ATP2B2: variants seen among roughly 807,000 people sequenced by gnomAD.
The protein encoded by ATP2B2 is plasma membrane calcium-transporting ATPase 2.
ATP2B2 carries 15 observed loss-of-function variants against 120.0 expected under a neutral mutation model. The observed-to-expected ratio is 0.12, with a 90% CI of 0.08 to 0.19. The LOEUF is 0.19. Ranked by LOEUF, ATP2B2 falls within the 10% of genes least tolerant of loss-of-function variation. The probability of loss-of-function intolerance (pLI) is 1.00; values close to 1 mark genes in which losing one functional copy is unlikely to be tolerated. For synonymous variants in ATP2B2, 694 were observed against 700.3 expected (o/e 0.99, Z 0.14); for missense variants, 1,045 against 1,719.8 (o/e 0.61, Z 6.94).
intron 5 of ATP2B2, among the ~76,000 whole-genome samples, chr3:10,394,220 T>A (rs938623326): frequency 2.0e-5 from 3 of 152,078 alleles, no homozygotes; most frequent in African/African-American, 7.2e-5. Flanking sequence ...TGGGGGCTAT[T>A]ATCTGCCTCC....
intron 2 of ATP2B2, among the ~76,000 whole-genome samples, chr3:10,565,813 G>C (rs566568620): frequency 4.4e-4 from 67 of 152,320 alleles, no homozygotes; most frequent in African/African-American, 1.6e-3. Flanking sequence ...ATGAACTCTG[G>C]AGTTAGAGTG....
chr3:10,351,366 C>T (rs1221870488), intron 14 of ATP2B2, among the ~76,000 whole-genome samples: 4 of 152,184 alleles, frequency 2.6e-5, no homozygotes, highest in Non-Finnish European at 2.9e-5. Context: ...GATTCTTACC[C>T]GAGGGCAGTG....
intron 1 of ATP2B2, among the ~76,000 whole-genome samples, chr3:10,625,556 C>T (rs2069674100): frequency 6.6e-6 from 1 of 152,220 alleles, no homozygotes; most frequent in Admixed American, 6.5e-5. Context: ...CGGATCATGG[C>T]TTCCTGACCC....
At chr3:10,465,902 G>A (rs1277700118) in intron 1 of ATP2B2, among the ~76,000 whole-genome samples, 5 of 152,192 alleles carry the variant, frequency 3.3e-5, no homozygotes, top group Non-Finnish European at 7.3e-5. Context: ...TAACCACCAG[G>A]TCCTTTACTG....
At chr3:10,357,056 A>G (rs957195683) in intron 14 of ATP2B2, among the ~76,000 whole-genome samples, 2 of 151,902 alleles carry the variant, frequency 1.3e-5, no homozygotes, top group Non-Finnish European at 2.9e-5. Context: ...TTATTCATTC[A>G]TTCCGCAAAC....
chr3:10,622,746 G>A (rs911531771), intron 1 of ATP2B2, among the ~76,000 whole-genome samples: 1 of 152,208 alleles, frequency 6.6e-6, no homozygotes, highest in African/African-American at 2.4e-5. Flanking sequence ...CCTTGCAGAG[G>A]CTTTAATCAG....
intron 2 of ATP2B2, among the ~76,000 whole-genome samples, chr3:10,590,848 G>A (rs2068627565): frequency 6.6e-6 from 1 of 152,148 alleles, no homozygotes; most frequent in African/African-American, 2.4e-5. Flanking sequence ...TCAAAGGCCA[G>A]CTGTTCATGT....
At chr3:10,493,342 G>A (rs570300473) in intron 1 of ATP2B2, among the ~76,000 whole-genome samples, 19 of 152,258 alleles carry the variant, frequency 1.2e-4, no homozygotes, top group Middle Eastern at 3.4e-3. Context: ...GAAATAAACC[G>A]AAGGGGAAAG....
intron 2 of ATP2B2, among the ~76,000 whole-genome samples, chr3:10,420,725 C>T (rs977608648): frequency 5.9e-5 from 9 of 152,184 alleles, no homozygotes; most frequent in East Asian, 3.8e-4. Flanking sequence ...CAGAGTTAAA[C>T]GAGGTCGCAT....
intron 2 of ATP2B2, among the ~76,000 whole-genome samples, chr3:10,611,616 C>T (rs1374344206): frequency 6.6e-6 from 1 of 152,104 alleles, no homozygotes. Context: ...TCACGTGTTC[C>T]ACTTCTTCTC....
At chr3:10,510,276 G>A (rs988526397), upstream of ATP2B2, among the ~76,000 whole-genome samples, 1 of 152,256 alleles carries the variant, frequency 6.6e-6, no homozygotes, top group Non-Finnish European at 1.5e-5. Context: ...GGCATTCTGT[G>A]CACACACCTC....
chr3:10,673,972 A>G (rs928087711), intron 1 of ATP2B2, among the ~76,000 whole-genome samples: 6 of 151,926 alleles, frequency 3.9e-5, no homozygotes, highest in African/African-American at 1.5e-4. Context: ...CACACTTTCC[A>G]TAATAAGAAA....
chr3:10,631,139 A>G (rs2069854201), intron 1 of ATP2B2, among the ~76,000 whole-genome samples: 1 of 152,240 alleles, frequency 6.6e-6, no homozygotes, highest in African/African-American at 2.4e-5. Context: ...GTAAAGTATC[A>G]TCTACCTGGG....
Position 10,338,711 on chromosome 3 carries a change from G to A in ATP2B2, c.3238-353C>T, listed in dbSNP as rs1467983661. Reference sequence around the variant, plus strand: ...ACCCTGGTCCTGTGGCCTCGGGCAAGTCATTTAACCTCACCGAGCTTTGGT... The same window carrying A: ...ACCCTGGTCCTGTGGCCTCGGGCAAATCATTTAACCTCACCGAGCTTTGGT... On this transcript the variant is annotated intron_variant, in intron 21 of 22. Coordinates refer to ENST00000360273, the MANE Select transcript of ATP2B2 (RefSeq NM_001001331.4). 6 of 343,932 alleles carry A rather than the reference G, an allele frequency of 1.7e-5. No homozygotes were observed. In the East Asian group the frequency reaches 4.8e-4, roughly 27 times the overall value. 21.3% of individuals were successfully genotyped at this position (343,932 alleles called of 1,614,324 possible).
chr3:10,445,400 A>G (rs2063803219), intron 2 of ATP2B2, among the ~76,000 whole-genome samples: 1 of 149,608 alleles, frequency 6.7e-6, no homozygotes, highest in Non-Finnish European at 1.5e-5. Context: ...GAAAGGGAAC[A>G]GTAGAGGTAA....
At chr3:10,378,484 A>G in intron 9 of ATP2B2, 74 bp from the exon 10 acceptor site, 1 of 1,579,274 alleles carries the variant, frequency 6.3e-7, no homozygotes, top group Admixed American at 1.7e-5. Flanking sequence ...CACAGGGTGG[A>G]GACGCTGGCA....
At chr3:10,497,245 G>A (rs2066190078) in intron 1 of ATP2B2, among the ~76,000 whole-genome samples, 1 of 152,202 alleles carries the variant, frequency 6.6e-6, no homozygotes, top group East Asian at 1.9e-4. Flanking sequence ...TCCATGGCAA[G>A]AACTGCTTTC....
At chr3:10,336,081 A>G in intron 22 of ATP2B2, 1 of 1,536,446 alleles carries the variant, frequency 6.5e-7, no homozygotes, top group Non-Finnish European at 8.8e-7. Context: ...CCCGCCTGGG[A>G]GCTGGCGTGG....
At chr3:10,339,386 A>T (rs11916569) in intron 21 of ATP2B2, among the ~76,000 whole-genome samples, 2,439 of 152,246 alleles carry the variant, frequency 0.016, 74 homozygotes, top group African/African-American at 0.055. Context: ...AGGCAAGAAA[A>T]ATGCCTCCCA....
Sources: allele counts gnomAD v4.1 joint callset (sites outside exome capture counted in the v4.1 genomes callset), GRCh38; gene constraint gnomAD v4.1.1; transcripts MANE v1.5; gene names NCBI Gene and HGNC (gene_info 2026-07-23, HGNC 2026-07-21).